DPP6: variants seen among roughly 807,000 people sequenced by gnomAD.
DPP6 encodes A-type potassium channel modulatory protein DPP6.
In DPP6, 69 loss-of-function variants were observed where a neutral mutation model predicts 122.6. The observed-to-expected ratio is 0.56, with a 90% CI of 0.46 to 0.69. The LOEUF (loss-of-function observed/expected upper bound fraction) is 0.69, where lower values mean the gene tolerates loss of function less well. Ranked by LOEUF, DPP6 falls within the 30% of genes least tolerant of loss-of-function variation. The pLI, the probability that DPP6 is intolerant of heterozygous loss-of-function variation, is 0.00. For synonymous variants in DPP6, 418 were observed against 433.1 expected (o/e 0.97, Z 0.43); for missense variants, 928 against 1,116.9 (o/e 0.83, Z 2.41).
chr7:154,854,556 CA>C (rs1322219022), intron 17 of DPP6, among the ~76,000 whole-genome samples: 13 of 152,248 alleles, frequency 8.5e-5, no homozygotes, highest in Admixed American at 3.3e-4. Context: ...GATCAGATAT[CA>C]GGGGTGGAGA....
At chr7:153,764,174 A>C in the DPP6 span, among the ~76,000 whole-genome samples, 1 of 152,318 alleles carries the variant, frequency 6.6e-6, no homozygotes, top group East Asian at 1.9e-4. Flanking sequence ...TAACATTATT[A>C]GCTTCAGGAT....
At chr7:154,284,768 T>A (rs1273239401) in intron 1 of DPP6, among the ~76,000 whole-genome samples, 1 of 152,166 alleles carries the variant, frequency 6.6e-6, no homozygotes, top group Non-Finnish European at 1.5e-5. Context: ...GGCAGGAGAA[T>A]TGCTTGAACA....
At chr7:153,972,245 A>G (rs1796058254) in intron 1 of DPP6, among the ~76,000 whole-genome samples, 1 of 150,502 alleles carries the variant, frequency 6.6e-6, no homozygotes, top group South Asian at 2.1e-4. Flanking sequence ...TAGGTAGCGC[A>G]TGAGGCTGGG....
Position 154,645,383 on chromosome 7 carries a change from A to AT in DPP6, c.680+7514dup, listed in dbSNP as rs1759954968. The stretch of plus-strand genomic sequence containing the variant: ...CCCGGCCTGTTACTTGGTTTTATGG[A>AT]TTTTCAGAACTGTGAACAACTCATA... On this transcript the variant is annotated intron_variant, in intron 6 of 25. Coordinates refer to ENST00000377770, the MANE Select transcript of DPP6 (RefSeq NM_130797.4). Among the ~76,000 whole-genome samples the AT allele has an allele frequency of 2.0e-5, 3 of 151,650 alleles. No individual in the cohort carries two copies. In the South Asian group the frequency reaches 6.2e-4, roughly 32 times the overall value.
At chr7:154,664,715 C>T (rs1209489850) in intron 6 of DPP6, among the ~76,000 whole-genome samples, 1 of 146,638 alleles carries the variant, frequency 6.8e-6, no homozygotes, top group East Asian at 2.0e-4. Flanking sequence ...GGGCAATTAT[C>T]TGACTTTTCA....
At chr7:154,869,084 C>T (rs73728620) in intron 18 of DPP6, among the ~76,000 whole-genome samples, 11,642 of 152,116 alleles carry the variant, frequency 0.077, 1,444 homozygotes, top group African/African-American at 0.26. Context: ...TTCCAGAGCT[C>T]GGCGGAAAGC....
Position 154,893,162 on chromosome 7 carries a change from CCCTTT to C in DPP6, c.*689_*693del. ...TGCTGTTTGGGGTTGGGCCTTGTTT[CCCTTT>C]CCTTTCTCCAGTCCACGTGTAGACT... On this transcript the variant is annotated 3_prime_UTR_variant, in exon 26 of 26. Transcript: ENST00000377770. The C allele has an allele frequency of 2.9e-6, 1 of 341,016 alleles. No individual in the cohort carries two copies. The highest frequency in any genetic ancestry group is 5.8e-6 in the Non-Finnish European group (1 of 173,456). The allele number at this position is 341,016 out of a possible 1,614,324, so 21.1% of individuals were successfully genotyped here.
At chr7:154,585,304 G>A (rs1252845151) in intron 5 of DPP6, among the ~76,000 whole-genome samples, 1 of 152,202 alleles carries the variant, frequency 6.6e-6, no homozygotes, top group Non-Finnish European at 1.5e-5. Flanking sequence ...GTAATACTAG[G>A]ATAGACTATG....
intron 2 of DPP6, among the ~76,000 whole-genome samples, chr7:154,455,036 G>A (rs371442337): frequency 3.3e-5 from 5 of 152,094 alleles, no homozygotes; most frequent in African/African-American, 7.2e-5. Flanking sequence ...TTCAGTGCTC[G>A]TGGATATTGT....
intron 1 of DPP6, among the ~76,000 whole-genome samples, chr7:154,024,298 A>G (rs1334586177): frequency 6.6e-6 from 1 of 152,252 alleles, no homozygotes; most frequent in African/African-American, 2.4e-5. Context: ...CATCATAAGC[A>G]TCAAAGCCAC....
chr7:154,464,802 G>A (rs1296574623), intron 2 of DPP6, among the ~76,000 whole-genome samples: 2 of 152,152 alleles, frequency 1.3e-5, no homozygotes, highest in East Asian at 3.9e-4. Context: ...CAAAATGAAT[G>A]CCTGCACAAA....
intron 1 of DPP6, chr7:154,094,754 A>G (rs1805204800): frequency 1.3e-5 from 2 of 152,068 alleles, no homozygotes; most frequent in South Asian, 2.1e-4. Flanking sequence ...GTGCTGGGTG[A>G]GCATTAGCCG....
chr7:154,399,743 G>T (rs542052801), intron 1 of DPP6, among the ~76,000 whole-genome samples: 4 of 152,164 alleles, frequency 2.6e-5, no homozygotes, highest in South Asian at 2.1e-4. Context: ...ACGCAGGGGT[G>T]GGGGAGGGAC....
chr7:153,920,165 G>C (rs1800562254), intron 1 of DPP6, among the ~76,000 whole-genome samples: 2 of 152,080 alleles, frequency 1.3e-5, no homozygotes, highest in South Asian at 4.2e-4. Flanking sequence ...TAGCCAACAG[G>C]CTGTTGTAGA....
chr7:154,326,754 C>G (rs1808479688), intron 1 of DPP6, among the ~76,000 whole-genome samples: 1 of 152,194 alleles, frequency 6.6e-6, no homozygotes, highest in African/African-American at 2.4e-5. Context: ...TTCTAGAGAG[C>G]TAGCTGTTCA....
intron 1 of DPP6, among the ~76,000 whole-genome samples, chr7:154,097,355 T>TC (rs1805402038): frequency 6.6e-6 from 1 of 152,210 alleles, no homozygotes; most frequent in African/African-American, 2.4e-5. Context: ...TTCCGAGGCC[T>TC]CTATGTGCAG....
At chr7:153,842,672 T>C in the DPP6 span, among the ~76,000 whole-genome samples, 1 of 152,206 alleles carries the variant, frequency 6.6e-6, no homozygotes, top group Admixed American at 6.5e-5. Flanking sequence ...GAGCTTAATT[T>C]TTTTCCAAAT....
At chr7:154,685,136 T>C (rs571774957) in intron 7 of DPP6, among the ~76,000 whole-genome samples, 1 of 152,376 alleles carries the variant, frequency 6.6e-6, no homozygotes, top group East Asian at 1.9e-4. Context: ...ATCTGTGTTG[T>C]AACAGAGCCA....
intron 1 of DPP6, among the ~76,000 whole-genome samples, chr7:154,041,682 A>G (rs539717835): frequency 6.6e-6 from 1 of 152,146 alleles, no homozygotes; most frequent in South Asian, 2.1e-4. Context: ...GTTTTAGTTC[A>G]GTACCTGCAT....
Sources: gnomAD v4.1 joint callset for allele counts (sites outside exome capture counted in the v4.1 genomes callset) on GRCh38, gnomAD v4.1.1 for gene constraint, MANE v1.5 for transcripts, NCBI Gene and HGNC (gene_info 2026-07-23, HGNC 2026-07-21) for gene names.